Variants in TRPC4 observed in about 807,000 individuals in gnomAD.
TRPC4 encodes the protein transient receptor potential cation channel subfamily C member 4.
TRPC4 carries 49 observed loss-of-function variants against 99.4 expected under a neutral mutation model. The observed-to-expected ratio is 0.49, with a 90% CI of 0.39 to 0.63. The LOEUF (loss-of-function observed/expected upper bound fraction) is 0.63, where lower values mean the gene tolerates loss of function less well. Ranked by LOEUF, TRPC4 falls within the 20% of genes least tolerant of loss-of-function variation. TRPC4 has a pLI of 0.00. For synonymous variants in TRPC4, 454 were observed against 425.9 expected (o/e 1.07, Z -0.81); for missense variants, 898 against 1,152.9 (o/e 0.78, Z 3.20).
Position 37,726,022 on chromosome 13 carries a change from C to A in TRPC4, c.897+19915G>T, listed in dbSNP as rs577399165. On this transcript the variant is annotated intron_variant, in intron 3 of 10. Coordinates refer to ENST00000379705, the MANE Select transcript of TRPC4 (RefSeq NM_016179.4). ...ACCAGCATGGCCAATATGGTGAAACCCCTTCTCTACTAAAAATATAAAAAT... is the reference window on the plus strand; with the variant it reads ...ACCAGCATGGCCAATATGGTGAAACACCTTCTCTACTAAAAATATAAAAAT... Among the ~76,000 whole-genome samples, 4 of 151,982 alleles carry A rather than the reference C, an allele frequency of 2.6e-5. No individual in the cohort carries two copies. In the South Asian group the frequency reaches 8.3e-4, roughly 32 times the overall value.
chr13:37,799,249 T>A (rs2139423823), intron 1 of TRPC4, among the ~76,000 whole-genome samples: 1 of 152,228 alleles, frequency 6.6e-6, no homozygotes, highest in Non-Finnish European at 1.5e-5. Flanking sequence ...GGAAGTAATC[T>A]TTAACACCAA....
chr13:37,784,744 T>G (rs1295695316), intron 1 of TRPC4, among the ~76,000 whole-genome samples: 1 of 152,056 alleles, frequency 6.6e-6, no homozygotes, highest in African/African-American at 2.4e-5. Context: ...CAAATATGAT[T>G]ATATTTAATA....
intron 2 of TRPC4, among the ~76,000 whole-genome samples, chr13:37,770,597 G>A (rs1956523406): frequency 6.6e-6 from 1 of 151,468 alleles, no homozygotes; most frequent in Non-Finnish European, 1.5e-5. Context: ...CTTAAGGCTG[G>A]TAATTTAAGT....
intron 1 of TRPC4, among the ~76,000 whole-genome samples, chr13:37,821,823 A>G (rs1441923780): frequency 6.6e-6 from 1 of 152,192 alleles, no homozygotes; most frequent in East Asian, 1.9e-4. Context: ...AAGATAGATT[A>G]AAGACTTAAA....
At chr13:37,835,055 T>C (rs9635089) in intron 1 of TRPC4, among the ~76,000 whole-genome samples, 38,299 of 151,672 alleles carry the variant, frequency 0.25, 5,301 homozygotes, top group East Asian at 0.43. Flanking sequence ...TTTTTTAATT[T>C]TTTTTTTAAA....
At chr13:37,666,266 A>G (rs1004381025) in intron 5 of TRPC4, among the ~76,000 whole-genome samples, 4 of 152,162 alleles carry the variant, frequency 2.6e-5, no homozygotes, top group African/African-American at 9.7e-5. Context: ...TCTGAGACAC[A>G]TATTTTCCAA....
chr13:37,840,509 C>G (rs1336436286), intron 1 of TRPC4, among the ~76,000 whole-genome samples: 1 of 152,010 alleles, frequency 6.6e-6, no homozygotes, highest in Non-Finnish European at 1.5e-5. Flanking sequence ...TCTCATCATT[C>G]TCTATCTCCT....
intron 1 of TRPC4, among the ~76,000 whole-genome samples, chr13:37,868,823 G>T (rs775209827): frequency 3.9e-5 from 6 of 152,132 alleles, no homozygotes; most frequent in Non-Finnish European, 7.3e-5. Flanking sequence ...AGGCAGACAA[G>T]ATAAGAGATC....
chr13:37,753,978 T>C (rs924033835), intron 2 of TRPC4, among the ~76,000 whole-genome samples: 1 of 152,058 alleles, frequency 6.6e-6, no homozygotes, highest in Non-Finnish European at 1.5e-5. Flanking sequence ...CTATGGAGAA[T>C]GGGCGATACT....
At chr13:37,745,436 GTA>G (rs1201385469) in intron 3 of TRPC4, among the ~76,000 whole-genome samples, 6 of 20,720 alleles carry the variant, frequency 2.9e-4, no homozygotes, top group African/African-American at 5.6e-4. Context: ...ATATATATGC[GTA>G]TATATATATA....
intron 3 of TRPC4, among the ~76,000 whole-genome samples, chr13:37,717,424 T>C (rs1954715299): frequency 1.3e-5 from 2 of 152,148 alleles, no homozygotes; most frequent in Non-Finnish European, 2.9e-5. Context: ...GTCTAGAATG[T>C]ATACTGAAAG....
chr13:37,779,801 T>C (rs1956793149), intron 2 of TRPC4, among the ~76,000 whole-genome samples: 2 of 152,114 alleles, frequency 1.3e-5, no homozygotes. Flanking sequence ...TCTTTTCTTA[T>C]AGGCTTTATC....
At chr13:37,866,707 T>G (rs1412196199) in intron 1 of TRPC4, among the ~76,000 whole-genome samples, 1 of 151,562 alleles carries the variant, frequency 6.6e-6, no homozygotes, top group African/African-American at 2.4e-5. Flanking sequence ...TATTGCGGGG[T>G]CAATGCCTCT....
In TRPC4 at chr13:37,649,123, A is replaced by C. The variant is rs538491041; in HGVS notation, c.2079+2142T>G. Among the ~76,000 whole-genome samples the C allele has an allele frequency of 2.0e-5, 3 of 152,296 alleles. No homozygotes were observed. In the South Asian group the frequency reaches 6.2e-4, roughly 32 times the overall value. On this transcript the variant is annotated intron_variant, in intron 8 of 10. Transcript: ENST00000379705. ...CAGAGATCAATTAAAAATGCTTATA[A>C]ATTTAAGAATGAGATGGTATAAAGG...
At chr13:37,638,196 C>T (rs979009488) in intron 10 of TRPC4, among the ~76,000 whole-genome samples, 1 of 152,028 alleles carries the variant, frequency 6.6e-6, no homozygotes, top group Non-Finnish European at 1.5e-5. Context: ...TTTGGGACAA[C>T]TGAATTCTCA....
intron 2 of TRPC4, among the ~76,000 whole-genome samples, chr13:37,768,949 A>G (rs1355733295): frequency 6.6e-6 from 1 of 151,454 alleles, no homozygotes. Flanking sequence ...TCATTTTGCT[A>G]GACAATTAAG....
intron 3 of TRPC4, among the ~76,000 whole-genome samples, chr13:37,727,949 T>C (rs1254034987): frequency 6.6e-6 from 1 of 152,088 alleles, no homozygotes; most frequent in Non-Finnish European, 1.5e-5. Flanking sequence ...AATCATACTA[T>C]TTTCTCAATT....
chr13:37,734,832 T>C (rs1186477933), intron 3 of TRPC4, among the ~76,000 whole-genome samples: 1 of 152,056 alleles, frequency 6.6e-6, no homozygotes, highest in African/African-American at 2.4e-5. Context: ...GTGTAGAATT[T>C]TTTTTTCCAG....
At chr13:37,647,574 C>A (rs990593030) in intron 8 of TRPC4, among the ~76,000 whole-genome samples, 1 of 152,190 alleles carries the variant, frequency 6.6e-6, no homozygotes, top group African/African-American at 2.4e-5. Flanking sequence ...CAATGGAAGA[C>A]CCAGCAATTT....
Sources: allele counts gnomAD v4.1 joint callset (sites outside exome capture counted in the v4.1 genomes callset), GRCh38; gene constraint gnomAD v4.1.1; transcripts MANE v1.5; gene names NCBI Gene and HGNC (gene_info 2026-07-23, HGNC 2026-07-21).